FAM83D: variants seen among roughly 807,000 people sequenced by gnomAD.
The protein encoded by FAM83D is protein FAM83D.
Under a neutral mutation model 25.4 loss-of-function variants are expected in FAM83D, and 26 were observed. The observed-to-expected ratio is 1.02, with a 90% confidence interval of 0.75 to 1.42. The LOEUF is 1.42. Among genes scored for constraint, FAM83D ranks in the 40% most tolerant of loss-of-function variants. FAM83D has a pLI of 0.00. For missense variants in FAM83D, 740 were observed against 758.1 expected, an observed-to-expected ratio of 0.98 and a Z score of 0.28; for synonymous variants, 310 against 318.5, an observed-to-expected ratio of 0.97 and a Z score of 0.28.
chr20:38,946,197 CA>C lies in FAM83D; in HGVS notation c.652-1656del, dbSNP rs56740383. On this transcript the variant is annotated intron_variant, in intron 2 of 3. Coordinates refer to ENST00000619850, the MANE Select transcript of FAM83D (RefSeq NM_030919.3). ...TGCACTCCAGAGTGAGACTCCACCT[CA>C]AAAAAAAAAAAAAAAAAAAAAACAA... Among the ~76,000 whole-genome samples, 624 of 78,518 alleles carry C rather than the reference CA, an allele frequency of 7.9e-3. 2 individuals are homozygous for C. Among genetic ancestry groups the C allele is most frequent in the African/African-American group, 0.02 (453 of 23,026 alleles). The allele number at this position is 78,518 out of a possible 152,430, so 51.5% of individuals were successfully genotyped here. A position where few individuals can be genotyped will look rare whatever the true frequency, so the allele number is the denominator to read the frequency against.
chr20:38,927,200 C>T (rs192023061), intron 1 of FAM83D, among the ~76,000 whole-genome samples: 12 of 152,310 alleles, frequency 7.9e-5, no homozygotes, highest in Middle Eastern at 3.4e-3. Context: ...ACGTTCATAT[C>T]CCTGAAGGAG....
intron 1 of FAM83D, among the ~76,000 whole-genome samples, chr20:38,929,401 C>T (rs755315750): frequency 7.9e-5 from 12 of 151,970 alleles, no homozygotes; most frequent in African/African-American, 2.7e-4. Context: ...AGAAAGTCTC[C>T]GGAGTGGCAG....
chr20:38,933,458 C>T (rs2085666166), intron 1 of FAM83D, among the ~76,000 whole-genome samples: 1 of 152,198 alleles, frequency 6.6e-6, no homozygotes, highest in African/African-American at 2.4e-5. Flanking sequence ...TTGCTAAATG[C>T]CCTGTGGGGG....
intron 1 of FAM83D, among the ~76,000 whole-genome samples, chr20:38,937,858 T>C (rs1382444540): frequency 6.6e-6 from 1 of 152,036 alleles, no homozygotes; most frequent in Non-Finnish European, 1.5e-5. Flanking sequence ...CTTGGAAGGC[T>C]GAGGTGGGAG....
chr20:38,946,711 C>T (rs1447060815), intron 2 of FAM83D, among the ~76,000 whole-genome samples: 1 of 152,162 alleles, frequency 6.6e-6, no homozygotes, highest in Non-Finnish European at 1.5e-5. Flanking sequence ...TTTTTTCTCT[C>T]ATCACAGTGC....
At chr20:38,928,914 C>G (rs1601329176) in intron 1 of FAM83D, among the ~76,000 whole-genome samples, 1 of 152,158 alleles carries the variant, frequency 6.6e-6, no homozygotes, top group African/African-American at 2.4e-5. Flanking sequence ...CACAGTGGCT[C>G]AAGCCTGTAA....
chr20:38,951,559 A>G lies in FAM83D; in HGVS notation c.797A>G (p.Lys266Arg). ...TTAAGTTTTACATGGACGGATGGCA[A>G]ATTAAACAGCAGTAACTTGGTAATT... ...GSYSFTWTDG[K>R]LNSSNLVILS... Residue 266 changes from lysine to arginine, a missense_variant, in exon 4 of 4, where the codon AAA becomes AGA. Physicochemically the swap from Lys to Arg is conservative, Grantham distance 26 (BLOSUM62 2). Transcript: ENST00000619850. 6.2e-7 allele frequency: 1 copy of G among 1,612,438 alleles called. No individual in the cohort carries two copies. The highest frequency in any genetic ancestry group is 8.5e-7 in the Non-Finnish European group (1 of 1,179,068).
intron 1 of FAM83D, among the ~76,000 whole-genome samples, chr20:38,936,583 A>ACTGCCCATT (rs755314204): frequency 3.3e-5 from 5 of 152,136 alleles, no homozygotes; most frequent in Non-Finnish European, 7.3e-5. Context: ...CATGTGAAAA[A>ACTGCCCATT]CTGCCCATTA....
chr20:38,945,377 C>T (rs971415877), intron 2 of FAM83D, among the ~76,000 whole-genome samples: 3 of 152,146 alleles, frequency 2.0e-5, no homozygotes, highest in African/African-American at 7.2e-5. Context: ...ACCTCTATGA[C>T]ATTCCCTAGT....
intron 1 of FAM83D, among the ~76,000 whole-genome samples, chr20:38,928,414 C>CA: frequency 6.6e-6 from 1 of 152,300 alleles, no homozygotes; most frequent in Non-Finnish European, 1.5e-5. Context: ...AGGCTCTTAC[C>CA]AGCCCTGAGG....
intron 2 of FAM83D, among the ~76,000 whole-genome samples, chr20:38,947,202 A>G (rs1422386220): frequency 6.6e-6 from 1 of 152,238 alleles, no homozygotes; most frequent in East Asian, 1.9e-4. Context: ...TACAGGAATA[A>G]TTATGCATAC....
chr20:38,940,595 C>G (rs760884260), intron 1 of FAM83D, among the ~76,000 whole-genome samples: 1 of 152,126 alleles, frequency 6.6e-6, no homozygotes, highest in Non-Finnish European at 1.5e-5. Context: ...AGGAGAAACC[C>G]TTATATCTCC....
chr20:38,941,892 C>T, intron 1 of FAM83D, 67 bp from the exon 2 acceptor site: 1 of 1,512,052 alleles, frequency 6.6e-7, no homozygotes, highest in Non-Finnish European at 9.2e-7. Context: ...AGTCCAGAGT[C>T]CAGAGAGCGT....
chr20:38,952,038 A>G lies in FAM83D; in HGVS notation c.1276A>G (p.Thr426Ala). ...TGCTGGTACCCAGACTGCAGTCATC[A>G]CCAGGATAGCAAGCTCTCAAACCAC... ...ACAGTQTAVI[T>A]RIASSQTTIW... Residue 426 changes from threonine (T) to alanine (A), a missense_variant, in exon 4 of 4, where the codon ACC (threonine) becomes GCC (alanine). Thr to Ala is a moderately conservative substitution (Grantham distance 58). Transcript: ENST00000619850. 1 of 1,614,256 alleles carries G rather than the reference A, an allele frequency of 6.2e-7. No individual in the cohort carries two copies. The highest frequency in any genetic ancestry group is 8.5e-7 in the Non-Finnish European group (1 of 1,180,042).
At chr20:38,930,405 A>T (rs1475715829) in intron 1 of FAM83D, among the ~76,000 whole-genome samples, 1 of 152,224 alleles carries the variant, frequency 6.6e-6, no homozygotes, top group Non-Finnish European at 1.5e-5. Context: ...TCACACAGTT[A>T]GCATGGGACA....
chr20:38,928,865 G>C (rs1298616387), intron 1 of FAM83D, among the ~76,000 whole-genome samples: 2 of 152,120 alleles, frequency 1.3e-5, no homozygotes, highest in Non-Finnish European at 2.9e-5. Flanking sequence ...ACTGAGAAAG[G>C]TGGTACATTA....
At chr20:38,949,308 T>C (rs1365386933) in intron 3 of FAM83D, among the ~76,000 whole-genome samples, 2 of 151,738 alleles carry the variant, frequency 1.3e-5, no homozygotes, top group African/African-American at 2.4e-5. Context: ...ACTACAGGCA[T>C]GCCACCATGA....
chr20:38,926,822 G>A lies in FAM83D; in HGVS notation c.380G>A (p.Gly127Asp), dbSNP rs1325193628. 1.3e-6 allele frequency: 2 copies of A among 1,536,758 alleles called. No homozygotes were observed. The highest frequency in any genetic ancestry group is 1.7e-4 in the Middle Eastern group (1 of 5,922). ...GCCTTCTACCAGGGCGCCTACCGCG[G>A]CGCCACGCGTGTCGAGACGCACTTC... ...WPAFYQGAYR[G>D]ATRVETHFQP... The change falls in exon 1 of 4, where the codon GGC becomes GAC. Residue 127 changes from glycine (G) to aspartate (D), a missense_variant. Physicochemically the swap from Gly to Asp is moderately conservative, Grantham distance 94. This residue lies in a region of FAM83D where 333 missense variants were observed against 298.6 expected (regional missense o/e 1.12). Coordinates refer to ENST00000619850, the MANE Select transcript of FAM83D (RefSeq NM_030919.3).
intron 1 of FAM83D, among the ~76,000 whole-genome samples, chr20:38,936,573 C>A (rs1357822447): frequency 1.3e-5 from 2 of 152,140 alleles, no homozygotes; most frequent in Admixed American, 6.5e-5. Flanking sequence ...AGCTTCCAGT[C>A]ATGTGAAAAA....
Sources: gnomAD v4.1 joint callset for allele counts (sites outside exome capture counted in the v4.1 genomes callset) on GRCh38, gnomAD v4.1.1 for gene constraint, gnomAD v4.1.1 regional missense constraint, MANE v1.5 for transcripts, NCBI Gene and HGNC (gene_info 2026-07-23, HGNC 2026-07-21) for gene names.